The following RALGPS2 variants were observed in gnomAD, a reference collection of about 807,000 sequenced individuals.
RALGPS2 encodes the protein Ral GEF with PH domain and SH3 binding motif 2.
RALGPS2 carries 43 observed loss-of-function variants against 86.8 expected under a neutral mutation model. The observed-to-expected ratio is 0.50, with a 90% CI of 0.39 to 0.64. The LOEUF (loss-of-function observed/expected upper bound fraction) is 0.64. Ranked by LOEUF, RALGPS2 falls within the 30% of genes least tolerant of loss-of-function variation. RALGPS2 has a pLI of 0.00. For missense variants in RALGPS2, 536 were observed against 694.6 expected, an observed-to-expected ratio of 0.77 and a Z score of 2.57; for synonymous variants, 243 against 231.3, an observed-to-expected ratio of 1.05 and a Z score of -0.46.
At chr1:178,823,731 G>T (rs139796198) in intron 7 of RALGPS2, among the ~76,000 whole-genome samples, 2 of 152,182 alleles carry the variant, frequency 1.3e-5, no homozygotes, top group African/African-American at 2.4e-5. Context: ...TGGAGGTGCT[G>T]TTTACTTATA....
At chr1:178,750,122 C>CA (rs1480010467) in intron 1 of RALGPS2, among the ~76,000 whole-genome samples, 1 of 151,920 alleles carries the variant, frequency 6.6e-6, no homozygotes, top group Non-Finnish European at 1.5e-5. Flanking sequence ...AGAAAACAAA[C>CA]AAAAAAACAG....
chr1:178,902,302 TATA>T, intron 18 of RALGPS2, 91 bp downstream of exon 18: 2 of 969,054 alleles, frequency 2.1e-6, no homozygotes. Flanking sequence ...TTGTCATATA[TATA>T]ATGTTTTATG....
intron 8 of RALGPS2, among the ~76,000 whole-genome samples, chr1:178,858,624 A>G (rs910735805): frequency 1.9e-4 from 29 of 152,178 alleles, no homozygotes; most frequent in African/African-American, 6.3e-4. Context: ...CTGTTCCTCA[A>G]TTTATGTGAG....
chr1:178,914,023 A>G lies in RALGPS2; in HGVS notation c.1723-2307A>G, dbSNP rs74411132. On this transcript the variant is annotated intron_variant, in intron 19 of 19. Transcript: ENST00000367635. ...CAAAAGCATTCCAACAGAATAGTGG[A>G]AGCTACACTGTGTGCCTGCTCCCAT... 6.1e-3 allele frequency among the ~76,000 whole-genome samples: 923 copies of G among 152,272 alleles called. 9 individuals are homozygous for G. Among genetic ancestry groups the G allele is most frequent in the African/African-American group, 0.021 (882 of 41,546 alleles).
chr1:178,819,894 T>A (rs1655416048), intron 6 of RALGPS2, among the ~76,000 whole-genome samples: 1 of 152,158 alleles, frequency 6.6e-6, no homozygotes, highest in Admixed American at 6.6e-5. Context: ...TGCCACCTTC[T>A]GCTCCCTGAT....
chr1:178,823,587 C>A (rs1185642416), intron 7 of RALGPS2, among the ~76,000 whole-genome samples: 1 of 151,968 alleles, frequency 6.6e-6, no homozygotes, highest in Non-Finnish European at 1.5e-5. Context: ...AAGAGAATTC[C>A]AAGTAGAGGT....
intron 4 of RALGPS2, among the ~76,000 whole-genome samples, chr1:178,794,278 A>C (rs965321831): frequency 6.6e-6 from 1 of 151,888 alleles, no homozygotes; most frequent in Non-Finnish European, 1.5e-5. Context: ...CACCACACCC[A>C]GCTAATTTTT....
intron 1 of RALGPS2, among the ~76,000 whole-genome samples, chr1:178,770,878 G>A (rs1195174504): frequency 8.7e-6 from 1 of 114,394 alleles, no homozygotes; most frequent in Non-Finnish European, 1.7e-5. Flanking sequence ...TGCTCTTGTT[G>A]CCCAGGCTGG....
At chr1:178,729,694 G>T (rs1650227353) in intron 1 of RALGPS2, among the ~76,000 whole-genome samples, 1 of 152,104 alleles carries the variant, frequency 6.6e-6, no homozygotes, top group Non-Finnish European at 1.5e-5. Flanking sequence ...GATTTGGGAT[G>T]CCCAACTGGC....
chr1:178,738,147 G>T (rs941281900), intron 1 of RALGPS2, among the ~76,000 whole-genome samples: 5 of 147,636 alleles, frequency 3.4e-5, no homozygotes, highest in Non-Finnish European at 6.0e-5. Context: ...TATGGCTATA[G>T]ATTTTGGTTA....
In RALGPS2 at chr1:178,896,245, CAGA is replaced by C. The variant is rs551661468; in HGVS notation, c.1432-1413_1432-1411del. Reference sequence around the variant, plus strand: ...TGAGTTAAGTAGAAAATGGGCAAAACAGAAGAAGTAGAGGCAAGATTTAGAGAC... The same window carrying C: ...TGAGTTAAGTAGAAAATGGGCAAAACAGAAGTAGAGGCAAGATTTAGAGAC... On this transcript the variant is annotated intron_variant, in intron 16 of 19. Coordinates refer to ENST00000367635, the MANE Select transcript of RALGPS2 (RefSeq NM_152663.5). 1.8e-4 allele frequency among the ~76,000 whole-genome samples: 27 copies of C among 152,038 alleles called. No homozygotes were observed. In the South Asian group the frequency reaches 5.6e-3, roughly 32 times the overall value.
intron 17 of RALGPS2, among the ~76,000 whole-genome samples, chr1:178,900,402 A>AT (rs1660117279): frequency 6.6e-6 from 1 of 151,936 alleles, no homozygotes. Context: ...AATTTAAAAG[A>AT]TTGATGACAT....
At chr1:178,851,176 AC>A in intron 8 of RALGPS2, 4 of 1,613,654 alleles carry the variant, frequency 2.5e-6, no homozygotes, top group Non-Finnish European at 3.4e-6. Context: ...AAGGAGTATG[AC>A]CCGCCTCTGT....
chr1:178,910,710 C>T lies in RALGPS2; in HGVS notation c.1722+3843C>T, dbSNP rs1328040022. 3.9e-5 allele frequency among the ~76,000 whole-genome samples: 6 copies of T among 152,106 alleles called. No individual in the cohort carries two copies. The East Asian group carries it at 9.7e-4, about 25-fold the overall frequency. ...TGTGTCTGTTCATCAGGTATATTGA[C>T]CTGTAGTTCTGTTTTTTCATTGTAT... On this transcript the variant is annotated intron_variant, in intron 19 of 19. Coordinates refer to ENST00000367635, the MANE Select transcript of RALGPS2 (RefSeq NM_152663.5).
At chr1:178,817,020 G>C (rs1655262922) in intron 6 of RALGPS2, among the ~76,000 whole-genome samples, 1 of 151,710 alleles carries the variant, frequency 6.6e-6, no homozygotes, top group Non-Finnish European at 1.5e-5. Context: ...ATTAATTTTT[G>C]TGTCTGGTGG....
intron 7 of RALGPS2, among the ~76,000 whole-genome samples, chr1:178,827,375 A>T (rs556544688): frequency 6.6e-6 from 1 of 151,742 alleles, no homozygotes; most frequent in South Asian, 2.1e-4. Flanking sequence ...ACAAAGCTAG[A>T]GACATCATAC....
chr1:178,751,769 G>T (rs1396155945), intron 1 of RALGPS2, among the ~76,000 whole-genome samples: 1 of 152,068 alleles, frequency 6.6e-6, no homozygotes, highest in Non-Finnish European at 1.5e-5. Flanking sequence ...GAAAAACTAG[G>T]TCATAAATTT....
chr1:178,760,937 T>C (rs1295182888), intron 1 of RALGPS2, among the ~76,000 whole-genome samples: 1 of 152,136 alleles, frequency 6.6e-6, no homozygotes, highest in Non-Finnish European at 1.5e-5. Flanking sequence ...ATTTGTAGAT[T>C]CGGTCAGTTT....
chr1:178,838,616 TC>T (rs1255015702), intron 8 of RALGPS2, among the ~76,000 whole-genome samples: 2 of 152,032 alleles, frequency 1.3e-5, no homozygotes, highest in Non-Finnish European at 2.9e-5. Context: ...AGAGCACCTC[TC>T]CCCCTCCAAA....
Sources: allele counts gnomAD v4.1 joint callset (sites outside exome capture counted in the v4.1 genomes callset), GRCh38; gene constraint gnomAD v4.1.1; transcripts MANE v1.5; gene names NCBI Gene and HGNC (gene_info 2026-07-23, HGNC 2026-07-21).